CNNM2: variants seen among roughly 807,000 people sequenced by gnomAD.
The protein encoded by CNNM2 is cyclin and CBS domain divalent metal cation transport mediator 2.
A neutral mutation model predicts 66.9 loss-of-function variants in CNNM2; 12 were observed. The ratio of observed to expected loss-of-function variants is 0.18; its 90% CI spans 0.11 to 0.29. CNNM2 has a LOEUF of 0.29. Among genes scored for constraint, CNNM2 ranks in the 10% least tolerant of loss-of-function variants. CNNM2 has a pLI of 1.00. For synonymous variants in CNNM2, 557 were observed against 501.8 expected (o/e 1.11, Z -1.47); for missense variants, 705 against 1,167.7 (o/e 0.60, Z 5.77).
At chr10:102,994,500 C>CT (rs1199387429) in intron 1 of CNNM2, among the ~76,000 whole-genome samples, 1 of 152,238 alleles carries the variant, frequency 6.6e-6, no homozygotes, top group Non-Finnish European at 1.5e-5. Context: ...CCTTGAGGAA[C>CT]TTACGTTCTA....
chr10:103,078,861 C>T lies in CNNM2; in HGVS notation c.*1681C>T. Reference sequence around the variant, plus strand: ...CGGGGCAGGGAGCGTGGCTGAGGAGCAGACAGCAGCGGGCCGGGCTGGCTG... The same window carrying T: ...CGGGGCAGGGAGCGTGGCTGAGGAGTAGACAGCAGCGGGCCGGGCTGGCTG... On this transcript the variant is annotated 3_prime_UTR_variant, in exon 8 of 8. Transcript: ENST00000369878. 1 of 152,720 alleles carries T rather than the reference C, an allele frequency of 6.5e-6. No individual in the cohort carries two copies. Among genetic ancestry groups the T allele is most frequent in the East Asian group, 1.9e-4 (1 of 5,198 alleles). The allele number at this position is 152,720 out of a possible 1,614,324, so 9.5% of individuals were successfully genotyped here. A position where few individuals can be genotyped will look rare whatever the true frequency, so the allele number is the denominator to read the frequency against.
intron 1 of CNNM2, among the ~76,000 whole-genome samples, chr10:102,992,769 A>G (rs187267712): frequency 1.3e-5 from 2 of 152,264 alleles, no homozygotes; most frequent in South Asian, 2.1e-4. Context: ...TCAGCCCTGT[A>G]TTTGAACCTC....
chr10:103,089,807 A>AGTG lies in CNNM2; in HGVS notation c.*12628_*12630dup, dbSNP rs748323510. 1.2e-6 allele frequency: 2 copies of AGTG among 1,614,020 alleles called. No individual in the cohort carries two copies. The highest frequency in any genetic ancestry group is 1.7e-6 in the Non-Finnish European group (2 of 1,180,024). ...GTGTCAGCTGGTGCCGCTTGTAGTCAGTGTCTTTGAAATCCACTGATGTGC... is the reference window on the plus strand; with the variant it reads ...GTGTCAGCTGGTGCCGCTTGTAGTCAGTGGTGTCTTTGAAATCCACTGATGTGC... On this transcript the variant is annotated 3_prime_UTR_variant, in exon 8 of 8. Transcript: ENST00000369878.
rs1024440717 is a variant in CNNM2 at position 102,950,075 on chromosome 10, C to G, written c.1621+29974C>G. 5.3e-5 allele frequency among the ~76,000 whole-genome samples: 8 copies of G among 152,256 alleles called. No homozygotes were observed. The East Asian group carries it at 1.5e-3, about 29-fold the overall frequency. On this transcript the variant is annotated intron_variant, in intron 1 of 7. Transcript: ENST00000369878. ...ATGATTCCAGCATGACAGCTCCTGT[C>G]GTGGAGATACATGCAGGATGCTATG...
In CNNM2 at chr10:103,048,214, A is replaced by AT. The variant is rs61111356; in HGVS notation, c.1622-1475dup. 0.16 allele frequency among the ~76,000 whole-genome samples: 17,168 copies of AT among 106,496 alleles called. 1,746 individuals are homozygous for AT. Among genetic ancestry groups the AT allele is most frequent in the East Asian group, 0.31 (1,165 of 3,810 alleles). The allele number at this position is 106,496 out of a possible 152,430, so 69.9% of individuals were successfully genotyped here. On this transcript the variant is annotated intron_variant, in intron 1 of 7. Transcript: ENST00000369878. The stretch of plus-strand genomic sequence containing the variant: ...ACAAATGTGAGCCACTGCGCTCAGC[A>AT]TTTTTTTTTTTTTTTTTTGAGTGGG...
intron 1 of CNNM2, among the ~76,000 whole-genome samples, chr10:102,982,388 A>G (rs73353821): frequency 6.6e-6 from 1 of 152,324 alleles, no homozygotes; most frequent in African/African-American, 2.4e-5. Flanking sequence ...TTTGTCAGAC[A>G]AATGAATGAA....
chr10:102,923,677 T>C (rs1564806853), intron 1 of CNNM2, among the ~76,000 whole-genome samples: 1 of 152,210 alleles, frequency 6.6e-6, no homozygotes, highest in Non-Finnish European at 1.5e-5. Context: ...TAACAACTGG[T>C]GTCCCCTTTT....
chr10:102,921,607 G>A (rs925293493), intron 1 of CNNM2, among the ~76,000 whole-genome samples: 30 of 152,092 alleles, frequency 2.0e-4, no homozygotes, highest in African/African-American at 6.3e-4. Context: ...CTTCTTTTGG[G>A]GGTGTCATTC....
chr10:103,027,593 A>AT lies in CNNM2; in HGVS notation c.1622-22112dup, dbSNP rs2064731985. On this transcript the variant is annotated intron_variant, in intron 1 of 7. Transcript: ENST00000369878. ...TTAAAGCAAAATAAGCCTACATAGG[A>AT]TTGAATGCTCAGGTGATACAAATGA... The AT allele has an allele frequency of 3.9e-5, 6 of 152,358 alleles. 1 individual carries two copies. Among genetic ancestry groups the AT allele is most frequent in the African/African-American group, 1.4e-4 (6 of 41,582 alleles). The allele number at this position is 152,358 out of a possible 1,614,324, so 9.4% of individuals were successfully genotyped here.
chr10:103,024,571 C>T (rs1011673968), intron 1 of CNNM2, among the ~76,000 whole-genome samples: 7 of 152,036 alleles, frequency 4.6e-5, no homozygotes, highest in Admixed American at 3.9e-4. Flanking sequence ...CTCCGCCTCC[C>T]GGGTTCAAGC....
At chr10:102,946,240 G>A (rs1846613942) in intron 1 of CNNM2, among the ~76,000 whole-genome samples, 2 of 152,160 alleles carry the variant, frequency 1.3e-5, no homozygotes, top group Admixed American at 1.3e-4. Context: ...GCCAGAGGCT[G>A]GGGGAGGGTC....
chr10:103,069,109 C>G (rs2134360536), intron 5 of CNNM2, among the ~76,000 whole-genome samples: 1 of 152,330 alleles, frequency 6.6e-6, no homozygotes, highest in South Asian at 2.1e-4. Context: ...GCTCCTTTCT[C>G]TGTGTCGTGC....
intron 1 of CNNM2, among the ~76,000 whole-genome samples, chr10:103,032,016 A>C (rs2064833571): frequency 6.6e-6 from 1 of 152,218 alleles, no homozygotes; most frequent in Non-Finnish European, 1.5e-5. Flanking sequence ...GCCTGCGTGA[A>C]CTAGTCACTG....
chr10:102,928,412 C>T (rs1044667354), intron 1 of CNNM2, among the ~76,000 whole-genome samples: 8 of 151,928 alleles, frequency 5.3e-5, no homozygotes, highest in African/African-American at 1.9e-4. Flanking sequence ...GAAACCCTGT[C>T]TCTACTAAAA....
chr10:103,016,854 C>G (rs2064461721), intron 1 of CNNM2, among the ~76,000 whole-genome samples: 1 of 152,146 alleles, frequency 6.6e-6, no homozygotes. Flanking sequence ...TCTGCTGGCC[C>G]CTGCTGCTTC....
chr10:102,966,972 C>A (rs1170431008), intron 1 of CNNM2, among the ~76,000 whole-genome samples: 2 of 152,104 alleles, frequency 1.3e-5, no homozygotes, highest in Non-Finnish European at 2.9e-5. Context: ...GAGCTATGAG[C>A]AATCTGGTAG....
At chr10:102,930,859 G>A (rs1289812284) in intron 1 of CNNM2, among the ~76,000 whole-genome samples, 2 of 152,166 alleles carry the variant, frequency 1.3e-5, no homozygotes, top group Non-Finnish European at 1.5e-5. Flanking sequence ...CCATGTTGTA[G>A]CATGTATCAG....
In CNNM2 at chr10:103,051,862, A is replaced by T. The variant is rs76171336; in HGVS notation, c.1765+2012A>T. 6.4e-3 allele frequency among the ~76,000 whole-genome samples: 971 copies of T among 152,354 alleles called. 11 individuals carry two copies. Among genetic ancestry groups the T allele is most frequent in the Middle Eastern group, 0.01 (3 of 294 alleles). Reference sequence around the variant, plus strand: ...ATCCTCACATCTGAATAGCATTCTTAAAAAACACCCTTTCCCACATCTGTT... The same window carrying T: ...ATCCTCACATCTGAATAGCATTCTTTAAAAACACCCTTTCCCACATCTGTT... On this transcript the variant is annotated intron_variant, in intron 2 of 7. Coordinates refer to ENST00000369878, the MANE Select transcript of CNNM2 (RefSeq NM_017649.5).
intron 1 of CNNM2, among the ~76,000 whole-genome samples, chr10:103,007,710 ACT>A (rs1336454088): frequency 6.6e-6 from 1 of 152,062 alleles, no homozygotes; most frequent in Non-Finnish European, 1.5e-5. Flanking sequence ...CCTGAAAATC[ACT>A]GTTATTCTGT....
Sources: allele counts gnomAD v4.1 joint callset (sites outside exome capture counted in the v4.1 genomes callset), GRCh38; gene constraint gnomAD v4.1.1; transcripts MANE v1.5; gene names NCBI Gene and HGNC (gene_info 2026-07-23, HGNC 2026-07-21).